HECTD2: variants seen among roughly 807,000 people sequenced by gnomAD.
The protein encoded by HECTD2 is probable E3 ubiquitin-protein ligase HECTD2.
A neutral mutation model predicts 103.2 loss-of-function variants in HECTD2; 35 were observed. The observed-to-expected ratio is 0.34, with a 90% CI of 0.26 to 0.45. The LOEUF is 0.45. Ranked by LOEUF, HECTD2 falls within the 20% of genes least tolerant of loss-of-function variation. The pLI is 1.00. For missense variants in HECTD2, 596 were observed against 937.4 expected (o/e 0.64, Z 4.76); for synonymous variants, 281 against 329.9 (o/e 0.85, Z 1.61).
chr10:91,478,304 A>T, intron 6 of HECTD2, 39 bp downstream of exon 6: 1 of 1,223,992 alleles, frequency 8.2e-7, no homozygotes, highest in Non-Finnish European at 1.2e-6. Context: ...ATCAGTATAG[A>T]TGTCTAACTT....
chr10:91,510,033 A>C (rs939929801), intron 20 of HECTD2, among the ~76,000 whole-genome samples: 4 of 152,172 alleles, frequency 2.6e-5, no homozygotes, highest in African/African-American at 9.7e-5. Context: ...AGTATCAGTG[A>C]AAAGGGCCAA....
chr10:91,466,951 G>A (rs934847658), intron 5 of HECTD2, among the ~76,000 whole-genome samples: 1 of 151,998 alleles, frequency 6.6e-6, no homozygotes, highest in African/African-American at 2.4e-5. Context: ...TGGCCAACTA[G>A]ATGCAGCCAG....
chr10:91,497,415 C>T (rs1165078433), intron 15 of HECTD2, among the ~76,000 whole-genome samples: 15 of 150,050 alleles, frequency 1.0e-4, no homozygotes, highest in South Asian at 2.1e-4. Flanking sequence ...CTCAGCCTCC[C>T]GAATAGCTGG....
At chr10:91,495,738 CAT>C (rs1846642350) in intron 14 of HECTD2, among the ~76,000 whole-genome samples, 1 of 152,032 alleles carries the variant, frequency 6.6e-6, no homozygotes, top group Non-Finnish European at 1.5e-5. Context: ...TGTTTATATC[CAT>C]ATGTTTATTC....
chr10:91,460,505 A>G lies in HECTD2; in HGVS notation c.347A>G (p.Lys116Arg), dbSNP rs763792046. The G allele has an allele frequency of 1.2e-6, 2 of 1,612,918 alleles. No individual in the cohort carries two copies. Among genetic ancestry groups the G allele is most frequent in the Non-Finnish European group, 1.7e-6 (2 of 1,179,318 alleles). ...ATGGATGCATCATCATCCGAAATGA[A>G]GGCCCCAGTCCTTCCAGAACCTATT... Reference protein sequence around the residue: ...TSMDASSSEMKAPVLPEPILP... With the variant: ...TSMDASSSEMRAPVLPEPILP... Residue 116 changes from lysine (K) to arginine (R), a missense_variant, in exon 3 of 21, where the codon AAG becomes AGG. Transcript: ENST00000298068.
At chr10:91,424,183 C>T (rs1843467060) in intron 1 of HECTD2, among the ~76,000 whole-genome samples, 1 of 152,020 alleles carries the variant, frequency 6.6e-6, no homozygotes, top group African/African-American at 2.4e-5. Flanking sequence ...AGAGTTTTGC[C>T]CCAGTCTTAA....
intron 20 of HECTD2, among the ~76,000 whole-genome samples, chr10:91,504,678 A>G (rs1300117238): frequency 6.6e-6 from 1 of 151,970 alleles, no homozygotes; most frequent in East Asian, 1.9e-4. Flanking sequence ...GACGGGGAGA[A>G]TGGAACCAAG....
intron 5 of HECTD2, among the ~76,000 whole-genome samples, chr10:91,467,341 G>A (rs1845566742): frequency 6.6e-6 from 1 of 152,134 alleles, no homozygotes; most frequent in Non-Finnish European, 1.5e-5. Context: ...GTGGAGCATG[G>A]CCAGGGTTGC....
chr10:91,469,629 G>C (rs978109272), intron 5 of HECTD2, among the ~76,000 whole-genome samples: 2 of 152,152 alleles, frequency 1.3e-5, no homozygotes, highest in Non-Finnish European at 2.9e-5. Flanking sequence ...AGGAAAGACT[G>C]TTACCGGCTG....
At chr10:91,439,881 T>A (rs1844323650) in intron 2 of HECTD2, among the ~76,000 whole-genome samples, 1 of 151,922 alleles carries the variant, frequency 6.6e-6, no homozygotes, top group Non-Finnish European at 1.5e-5. Context: ...TGGCTCTCTG[T>A]TTGTCTATAT....
intron 5 of HECTD2, among the ~76,000 whole-genome samples, chr10:91,474,639 T>C (rs1318952590): frequency 6.6e-6 from 1 of 152,202 alleles, no homozygotes; most frequent in Non-Finnish European, 1.5e-5. Context: ...GTATGTATTG[T>C]CTTGGTGTTG....
intron 2 of HECTD2, among the ~76,000 whole-genome samples, chr10:91,450,077 C>G (rs12240287): frequency 0.2 from 30,526 of 152,130 alleles, 7,274 homozygotes; most frequent in African/African-American, 0.58. Context: ...TCAAGACAAT[C>G]CTAAGCAAAA....
intron 5 of HECTD2, among the ~76,000 whole-genome samples, chr10:91,474,035 A>G (rs1845822587): frequency 6.6e-6 from 1 of 152,188 alleles, no homozygotes; most frequent in African/African-American, 2.4e-5. Flanking sequence ...TGGGAGAATA[A>G]CAACACATAA....
intron 8 of HECTD2, 172 bp from the exon 9 acceptor site, chr10:91,484,335 C>A: frequency 7.3e-7 from 1 of 1,369,538 alleles, no homozygotes; most frequent in South Asian, 1.3e-5. Context: ...TTAACGAAGA[C>A]AGTATTCAAG....
intron 5 of HECTD2, among the ~76,000 whole-genome samples, chr10:91,473,528 A>G (rs1845801837): frequency 6.6e-6 from 1 of 152,100 alleles, no homozygotes; most frequent in Admixed American, 6.6e-5. Context: ...AATACAGTTG[A>G]CCCTTACACA....
At chr10:91,415,685 A>T (rs1843099102) in intron 1 of HECTD2, among the ~76,000 whole-genome samples, 1 of 152,198 alleles carries the variant, frequency 6.6e-6, no homozygotes, top group Non-Finnish European at 1.5e-5. Flanking sequence ...GTCATAGGTA[A>T]TAGGGACCAT....
intron 2 of HECTD2, among the ~76,000 whole-genome samples, chr10:91,427,063 A>G (rs1843597082): frequency 7.7e-6 from 1 of 129,908 alleles, no homozygotes; most frequent in African/African-American, 2.9e-5. Context: ...ATGTGTTCTC[A>G]TTGTTCAATT....
intron 20 of HECTD2, among the ~76,000 whole-genome samples, chr10:91,508,397 A>G (rs1405387774): frequency 6.6e-6 from 1 of 151,126 alleles, no homozygotes; most frequent in Non-Finnish European, 1.5e-5. Context: ...AATATCCAGA[A>G]TCTACAATGA....
chr10:91,435,272 A>C (rs1048469169), intron 2 of HECTD2, among the ~76,000 whole-genome samples: 1 of 151,838 alleles, frequency 6.6e-6, no homozygotes, highest in Non-Finnish European at 1.5e-5. Context: ...AGCAAAGGAC[A>C]CCTCTTGGGA....
Sources: gnomAD v4.1 joint callset for allele counts (sites outside exome capture counted in the v4.1 genomes callset) on GRCh38, gnomAD v4.1.1 for gene constraint, MANE v1.5 for transcripts, NCBI Gene and HGNC (gene_info 2026-07-23, HGNC 2026-07-21) for gene names.